The following THADA variants were observed in gnomAD, a reference collection of about 807,000 sequenced individuals.
The protein encoded by THADA is THADA armadillo repeat containing.
Under a neutral mutation model 219.8 loss-of-function variants are expected in THADA, and 213 were observed. That is an observed-to-expected ratio of 0.97 (90% CI 0.87 to 1.09). The LOEUF is 1.09. Ranked by LOEUF, THADA falls within the 50% of genes least tolerant of loss-of-function variation. The pLI, the probability that THADA is intolerant of heterozygous loss-of-function variation, is 0.00. For synonymous variants in THADA, 1,018 were observed against 828.9 expected, an observed-to-expected ratio of 1.23 and a Z score of -3.92; for missense variants, 2,956 against 2,311.3, an observed-to-expected ratio of 1.28 and a Z score of -5.72.
intron 26 of THADA, among the ~76,000 whole-genome samples, chr2:43,451,323 C>T (rs1682300730): frequency 6.6e-6 from 1 of 152,156 alleles, no homozygotes; most frequent in African/African-American, 2.4e-5. Flanking sequence ...GAACAGCTAT[C>T]CACACTCCTT....
intron 28 of THADA, among the ~76,000 whole-genome samples, chr2:43,405,053 T>C (rs1018330089): frequency 3.3e-5 from 5 of 152,214 alleles, no homozygotes; most frequent in Non-Finnish European, 7.3e-5. Flanking sequence ...AGGCTCCAAG[T>C]GCTCACAGAG....
intron 25 of THADA, chr2:43,491,895 G>C (rs1003286717): frequency 1.3e-5 from 2 of 152,182 alleles, no homozygotes. Context: ...ATACATGGTT[G>C]ATAGGAACTT....
chr2:43,232,972 TC>T, intron 36 of THADA, 90 bp from the exon 37 acceptor site: 3 of 1,389,122 alleles, frequency 2.2e-6, no homozygotes, highest in Non-Finnish European at 2.9e-6. Context: ...AATAAAGGCC[TC>T]AGGTAAAATC....
Position 43,232,774 on chromosome 2 carries a change from A to G in THADA, c.5405T>C (p.Leu1802Pro), listed in dbSNP as rs759984808. 1 of 1,613,668 alleles carries G rather than the reference A, an allele frequency of 6.2e-7. No homozygotes were observed. Among genetic ancestry groups the G allele is most frequent in the African/African-American group, 1.3e-5 (1 of 74,946 alleles). The change falls in exon 37 of 38, where the codon CTG (leucine) becomes CCG (proline). Residue 1802 changes from leucine to proline, a missense_variant. Leu to Pro is a moderately conservative substitution (Grantham distance 98). Transcript: ENST00000405975. The stretch of plus-strand genomic sequence containing the variant: ...ACTCTCTCCCAACAGCCATCCCAGC[A>G]GGATGGGCAGTCCAGGGGCCAACTG... ...WDQLAPGLPI[L>P]LGWLLGESDD...
chr2:43,580,960 T>C (rs888324407), intron 8 of THADA, among the ~76,000 whole-genome samples: 5 of 152,080 alleles, frequency 3.3e-5, no homozygotes, highest in Admixed American at 6.6e-5. Flanking sequence ...GAGTCAGTTA[T>C]TGTTTTTCAC....
chr2:43,547,141 G>C (rs1696137384), intron 20 of THADA, among the ~76,000 whole-genome samples: 1 of 152,040 alleles, frequency 6.6e-6, no homozygotes, highest in African/African-American at 2.4e-5. Flanking sequence ...AGCTTAGTTT[G>C]GCTGGATATG....
chr2:43,250,341 T>A (rs1442950903), intron 36 of THADA, among the ~76,000 whole-genome samples: 1 of 152,012 alleles, frequency 6.6e-6, no homozygotes, highest in Non-Finnish European at 1.5e-5. Context: ...ATGAAAAAAC[T>A]TAATAGGAAA....
Position 43,528,002 on chromosome 2 carries a change from G to A in THADA, c.3265-14C>T, listed in dbSNP as rs746192778. ...TATTTCTTTTACCTTTAAAAAAAAAGCAAAAACAAATGTCCGATTTATGTT... is the reference window on the plus strand; with the variant it reads ...TATTTCTTTTACCTTTAAAAAAAAAACAAAAACAAATGTCCGATTTATGTT... On this transcript the variant is annotated splice_polypyrimidine_tract_variant and intron_variant, in intron 21 of 37. Transcript: ENST00000405975. The A allele has an allele frequency of 1.3e-6, 2 of 1,575,264 alleles. No homozygotes were observed. Among genetic ancestry groups the A allele is most frequent in the Non-Finnish European group, 1.7e-6 (2 of 1,148,676 alleles).
intron 22 of THADA, among the ~76,000 whole-genome samples, chr2:43,524,613 TA>T (rs1458385801): frequency 2.0e-5 from 3 of 152,172 alleles, no homozygotes; most frequent in African/African-American, 7.2e-5. Flanking sequence ...AATTTTCTTT[TA>T]AAAATAAAAA....
intron 27 of THADA, among the ~76,000 whole-genome samples, chr2:43,429,989 C>T (rs1313596803): frequency 4.0e-5 from 6 of 151,762 alleles, no homozygotes; most frequent in African/African-American, 1.2e-4. Context: ...GGAAACATGA[C>T]GAAACCCCAT....
chr2:43,369,919 C>T (rs988026669), intron 29 of THADA, among the ~76,000 whole-genome samples: 5 of 152,154 alleles, frequency 3.3e-5, no homozygotes, highest in Admixed American at 3.3e-4. Context: ...TCTTGTACTC[C>T]AATGTTTCTA....
At chr2:43,561,349 G>C (rs1335662521) in intron 15 of THADA, among the ~76,000 whole-genome samples, 1 of 152,102 alleles carries the variant, frequency 6.6e-6, no homozygotes, top group Non-Finnish European at 1.5e-5. Context: ...AAGAAATTAA[G>C]AACTACTTAT....
chr2:43,238,347 A>G (rs1369398481), intron 36 of THADA, among the ~76,000 whole-genome samples: 3 of 152,126 alleles, frequency 2.0e-5, no homozygotes, highest in African/African-American at 4.8e-5. Flanking sequence ...AAGAACTCTT[A>G]ATACTCTTAA....
intron 21 of THADA, among the ~76,000 whole-genome samples, chr2:43,531,257 GTA>G (rs1693825227): frequency 6.6e-6 from 1 of 152,232 alleles, no homozygotes; most frequent in Admixed American, 6.5e-5. Flanking sequence ...GGCTATTACA[GTA>G]CTTGGGTGGA....
At chr2:43,532,420 A>G (rs1485933630) in intron 21 of THADA, among the ~76,000 whole-genome samples, 3 of 150,626 alleles carry the variant, frequency 2.0e-5, no homozygotes, top group African/African-American at 7.4e-5. Flanking sequence ...CTCAAAAAAA[A>G]AAAAAAAAAA....
At chr2:43,281,745 A>G (rs182328001) in intron 35 of THADA, among the ~76,000 whole-genome samples, 1 of 151,414 alleles carries the variant, frequency 6.6e-6, no homozygotes, top group African/African-American at 2.4e-5. Flanking sequence ...CCTCTCATGC[A>G]CTTTTATGTC....
rs1372892546 is a variant in THADA at position 43,527,912 on chromosome 2, G to A, written c.3341C>T (p.Thr1114Ile). 2.5e-6 allele frequency: 4 copies of A among 1,613,486 alleles called. No homozygotes were observed. Among genetic ancestry groups the A allele is most frequent in the Non-Finnish European group, 3.4e-6 (4 of 1,179,570 alleles). The change falls in exon 22 of 38, where the codon ACT becomes ATT. Residue 1114 changes from threonine (T) to isoleucine (I), a missense_variant. By Grantham distance (89) the Thr-to-Ile change is moderately conservative (BLOSUM62 -1). Coordinates refer to ENST00000405975, the MANE Select transcript of THADA (RefSeq NM_022065.5). ...RHRGAFELAY[T>I]GFVKLTEVLN... Reference sequence around the variant, plus strand: ...TACTTCAGTGAGTTTCACAAAACCAGTATAAGCCAATTCAAATGCTCCTCT... The same window carrying A: ...TACTTCAGTGAGTTTCACAAAACCAATATAAGCCAATTCAAATGCTCCTCT...
At chr2:43,355,535 G>T (rs1314797444) in intron 29 of THADA, among the ~76,000 whole-genome samples, 2 of 152,158 alleles carry the variant, frequency 1.3e-5, no homozygotes, top group Non-Finnish European at 2.9e-5. Context: ...ATTTGCTTTT[G>T]TAGACTGACC....
chr2:43,489,173 T>TA lies in THADA; in HGVS notation c.3745-3849dup, dbSNP rs147746340. On this transcript the variant is annotated intron_variant, in intron 25 of 37. Coordinates refer to ENST00000405975, the MANE Select transcript of THADA (RefSeq NM_022065.5). ...TTCTTGATGCTGGTTAAGCTTTATT[T>TA]AAAAAAAATTTTTTTTAACTTTTCT... 8.9e-3 allele frequency among the ~76,000 whole-genome samples: 1,347 copies of TA among 152,192 alleles called. 20 individuals are homozygous for TA. Among genetic ancestry groups the TA allele is most frequent in the African/African-American group, 0.031 (1,289 of 41,530 alleles).
Sources: gnomAD v4.1 joint callset for allele counts (sites outside exome capture counted in the v4.1 genomes callset) on GRCh38, gnomAD v4.1.1 for gene constraint, MANE v1.5 for transcripts, NCBI Gene and HGNC (gene_info 2026-07-23, HGNC 2026-07-21) for gene names.